Variants in CD47 observed in about 807,000 individuals in gnomAD.
CD47 encodes the protein CD47 molecule, also known as leukocyte surface antigen CD47.
CD47 carries 11 observed loss-of-function variants against 44.6 expected under a neutral mutation model. That is an observed-to-expected ratio of 0.25 (90% confidence interval 0.16 to 0.41). The LOEUF (loss-of-function observed/expected upper bound fraction) is 0.41, where lower values mean the gene tolerates loss of function less well. CD47 is among the 10% of genes least tolerant of loss of function. CD47 has a pLI of 1.00. For missense variants in CD47, 306 were observed against 386.7 expected (o/e 0.79, Z 1.75); for synonymous variants, 140 against 136.3 (o/e 1.03, Z -0.19).
chr3:108,075,975 T>C (rs936874400), intron 2 of CD47, among the ~76,000 whole-genome samples: 1 of 152,216 alleles, frequency 6.6e-6, no homozygotes, highest in Non-Finnish European at 1.5e-5. Context: ...CCTTGGCAGA[T>C]ACTTAGCAAA....
intron 3 of CD47, among the ~76,000 whole-genome samples, chr3:108,067,230 C>CA (rs1222917841): frequency 2.0e-5 from 3 of 151,914 alleles, no homozygotes; most frequent in Non-Finnish European, 4.4e-5. Flanking sequence ...GTTTTAACAA[C>CA]AAAAAAAATT....
intron 3 of CD47, 139 bp downstream of exon 3, chr3:108,070,954 A>G (rs957808029): frequency 1.9e-6 from 1 of 530,758 alleles, no homozygotes; most frequent in Non-Finnish European, 3.4e-6. Context: ...CAAGGAGACT[A>G]GTAGTATTCA....
At chr3:108,061,841 G>A (rs541546727) in intron 3 of CD47, among the ~76,000 whole-genome samples, 1 of 152,264 alleles carries the variant, frequency 6.6e-6, no homozygotes, top group East Asian at 1.9e-4. Context: ...TCAATTGGTG[G>A]CTGTCATGAA....
At chr3:108,072,066 A>G (rs1027742889) in intron 2 of CD47, among the ~76,000 whole-genome samples, 3 of 152,226 alleles carry the variant, frequency 2.0e-5, no homozygotes, top group Admixed American at 2.0e-4. Context: ...ACTTCAAATA[A>G]GATTTGTGAG....
Position 108,090,874 on chromosome 3 carries a change from G to A in CD47, c.35C>T (p.Ser12Leu). 6.7e-7 allele frequency: 1 copy of A among 1,493,584 alleles called. No homozygotes were observed. The highest frequency in any genetic ancestry group is 8.9e-7 in the Non-Finnish European group (1 of 1,127,624). The allele number at this position is 1,493,584 out of a possible 1,614,324, so 92.5% of individuals were successfully genotyped here. ...GAGGAGCCACTCACCGCAGCACGCCGAGCCCAGCAACAGCGCCGCTACCAG... is the reference window on the plus strand; with the variant it reads ...GAGGAGCCACTCACCGCAGCACGCCAAGCCCAGCAACAGCGCCGCTACCAG... ...WPLVAALLLG[S>L]ACCGSAQLLF... Residue 12 changes from serine (S) to leucine (L), a missense_variant, in exon 1 of 11, where the codon TCG becomes TTG. By Grantham distance (145) the Ser-to-Leu change is moderately radical (BLOSUM62 -2). Coordinates refer to ENST00000361309, the MANE Select transcript of CD47 (RefSeq NM_001777.4).
chr3:108,082,950 C>T (rs1433756314), intron 1 of CD47, among the ~76,000 whole-genome samples: 1 of 151,970 alleles, frequency 6.6e-6, no homozygotes, highest in Non-Finnish European at 1.5e-5. Context: ...ACTACAACTT[C>T]AATCTCTATA....
chr3:108,057,655 T>C, intron 6 of CD47, 86 bp from the exon 7 acceptor site: 1 of 713,966 alleles, frequency 1.4e-6, no homozygotes, highest in Admixed American at 2.5e-5. Flanking sequence ...TTTAAGAGAG[T>C]TATTCTAACG....
At chr3:108,053,763 C>G (rs1240393094) in intron 7 of CD47, 3 of 152,214 alleles carry the variant, frequency 2.0e-5, no homozygotes, top group Non-Finnish European at 4.4e-5. Flanking sequence ...ATAGGCCTCC[C>G]TTACTGTGGA....
At chr3:108,075,725 G>A (rs1039093818) in intron 2 of CD47, among the ~76,000 whole-genome samples, 5 of 152,158 alleles carry the variant, frequency 3.3e-5, no homozygotes, top group Non-Finnish European at 5.9e-5. Flanking sequence ...CAGCAAAAGG[G>A]AGTTTGCTGA....
chr3:108,070,975 T>C, intron 3 of CD47, 118 bp downstream of exon 3: 1 of 555,726 alleles, frequency 1.8e-6, no homozygotes, highest in Non-Finnish European at 3.2e-6. Flanking sequence ...AATTACATAC[T>C]CATATTTATC....
At chr3:108,067,872 A>C (rs1439450448) in intron 3 of CD47, among the ~76,000 whole-genome samples, 1 of 152,168 alleles carries the variant, frequency 6.6e-6, no homozygotes, top group Non-Finnish European at 1.5e-5. Flanking sequence ...GACATCTTTC[A>C]AGATACAGCT....
chr3:108,071,467 C>G (rs1017644399), intron 2 of CD47, among the ~76,000 whole-genome samples: 3 of 152,152 alleles, frequency 2.0e-5, no homozygotes, highest in Non-Finnish European at 4.4e-5. Context: ...TGGCTGAGAA[C>G]AAGGCTCTGT....
In CD47 at chr3:108,051,836, T is replaced by C. The variant is rs138637996; in HGVS notation, c.909+103A>G. On this transcript the variant is annotated intron_variant, in intron 8 of 10. Coordinates refer to ENST00000361309, the MANE Select transcript of CD47 (RefSeq NM_001777.4). Reference sequence around the variant, plus strand: ...GCAATGACTTCAACATTCTCTTAATTTGACGTGAGACAAAACAGATAGCAA... The same window carrying C: ...GCAATGACTTCAACATTCTCTTAATCTGACGTGAGACAAAACAGATAGCAA... 3.5e-4 allele frequency: 303 copies of C among 876,552 alleles called. No individual in the cohort carries two copies. In the African/African-American group the frequency reaches 4.6e-3, roughly 13 times the overall value. 54.3% of individuals were successfully genotyped at this position (876,552 alleles called of 1,614,324 possible).
Position 108,046,766 on chromosome 3 carries a change from A to G in CD47, c.*522T>C, listed in dbSNP as rs960645736. ...CCCAACCAAATTCCTGCCTGTACTT[A>G]ATTTATTATTCCATTGACCCAGAAG... On this transcript the variant is annotated 3_prime_UTR_variant, in exon 11 of 11. Coordinates refer to ENST00000361309, the MANE Select transcript of CD47 (RefSeq NM_001777.4). 1 of 152,266 alleles carries G rather than the reference A, an allele frequency of 6.6e-6. No individual in the cohort carries two copies. Among genetic ancestry groups the G allele is most frequent in the African/African-American group, 2.4e-5 (1 of 41,414 alleles). The allele number at this position is 152,266 out of a possible 1,614,324, so 9.4% of individuals were successfully genotyped here.
intron 5 of CD47, among the ~76,000 whole-genome samples, chr3:108,058,725 A>G (rs1005554241): frequency 2.6e-5 from 4 of 152,214 alleles, no homozygotes; most frequent in Non-Finnish European, 5.9e-5. Context: ...TACAATATGA[A>G]TGGCTATTAT....
intron 7 of CD47, chr3:108,052,356 C>T: frequency 4.9e-6 from 1 of 202,804 alleles, no homozygotes; most frequent in Non-Finnish European, 1.0e-5. Context: ...AGAATTTGTC[C>T]CCACTACTCC....
chr3:108,076,599 A>G (rs1015625053), intron 2 of CD47, among the ~76,000 whole-genome samples: 2 of 152,132 alleles, frequency 1.3e-5, no homozygotes, highest in African/African-American at 4.8e-5. Flanking sequence ...TTGCTTCCCT[A>G]TTTGTTAAAT....
chr3:108,072,232 T>C (rs560431634), intron 2 of CD47, among the ~76,000 whole-genome samples: 2 of 152,350 alleles, frequency 1.3e-5, no homozygotes, highest in South Asian at 4.1e-4. Context: ...AGAGTTCTTC[T>C]GAATACTGCC....
intron 2 of CD47, among the ~76,000 whole-genome samples, chr3:108,076,245 C>T (rs1261798215): frequency 6.6e-6 from 1 of 152,148 alleles, no homozygotes; most frequent in Non-Finnish European, 1.5e-5. Flanking sequence ...ATACAAAGAT[C>T]TTGCAATGCC....
Sources: allele counts gnomAD v4.1 joint callset (sites outside exome capture counted in the v4.1 genomes callset), GRCh38; gene constraint gnomAD v4.1.1; transcripts MANE v1.5; gene names NCBI Gene and HGNC (gene_info 2026-07-23, HGNC 2026-07-21).